The following SEMA5A variants were observed in gnomAD, a reference collection of about 807,000 sequenced individuals.
SEMA5A encodes the protein semaphorin-5A.
SEMA5A carries 55 observed loss-of-function variants against 135.5 expected under a neutral mutation model. That is an observed-to-expected ratio of 0.41 (90% confidence interval 0.33 to 0.51). SEMA5A has a LOEUF of 0.51. SEMA5A is among the 20% of genes least tolerant of loss of function. The probability of loss-of-function intolerance (pLI) is 0.37; values close to 1 mark genes in which losing one functional copy is unlikely to be tolerated. For synonymous variants in SEMA5A, 580 were observed against 546.5 expected, an observed-to-expected ratio of 1.06 and a Z score of -0.85; for missense variants, 1,290 against 1,419.9, an observed-to-expected ratio of 0.91 and a Z score of 1.47.
chr5:9,520,751 A>T (rs1465882352), intron 1 of SEMA5A, among the ~76,000 whole-genome samples: 2 of 152,232 alleles, frequency 1.3e-5, no homozygotes, highest in African/African-American at 4.8e-5. Flanking sequence ...AACCTCAGAC[A>T]CAGCCAAACT....
chr5:9,270,381 G>A (rs1465331762), intron 5 of SEMA5A, among the ~76,000 whole-genome samples: 4 of 151,894 alleles, frequency 2.6e-5, no homozygotes, highest in African/African-American at 4.8e-5. Flanking sequence ...CTTGAGTCCC[G>A]GAGAATTATT....
chr5:9,043,127 T>C (rs1011299760), intron 22 of SEMA5A, 111 bp from the exon 23 acceptor site: 20 of 923,500 alleles, frequency 2.2e-5, no homozygotes, highest in Non-Finnish European at 3.0e-5. Context: ...TAAGACTCCA[T>C]ATTTTAAAAT....
intron 2 of SEMA5A, among the ~76,000 whole-genome samples, chr5:9,384,030 A>G (rs773845187): frequency 1.3e-5 from 2 of 152,188 alleles, no homozygotes; most frequent in Non-Finnish European, 2.9e-5. Context: ...TAATGAGAAC[A>G]GGTAATTTTT....
rs534085568 is a variant in SEMA5A, at chr5:9,041,135, CTG to C, written c.*1760_*1761del. 2 of 152,332 alleles carry C rather than the reference CTG, an allele frequency of 1.3e-5. No individual in the cohort carries two copies. The highest frequency in any genetic ancestry group is 4.1e-4 in the South Asian group (2 of 4,826). 9.4% of individuals were successfully genotyped at this position (152,332 alleles called of 1,614,324 possible). On this transcript the variant is annotated 3_prime_UTR_variant, in exon 23 of 23. Transcript: ENST00000382496. ...ACAGAGCCCACCTGCCATTTCAATA[CTG>C]TGTCATCTCTGTAAATCTGGGTATA... is the stretch of plus-strand genomic sequence containing the variant.
chr5:9,366,581 G>A lies in SEMA5A; in HGVS notation c.124+13242C>T, dbSNP rs181578761. Among the ~76,000 whole-genome samples the A allele has an allele frequency of 4.3e-3, 655 of 152,146 alleles. 9 individuals are homozygous for A. Among genetic ancestry groups the A allele is most frequent in the African/African-American group, 0.015 (636 of 41,526 alleles). The stretch of plus-strand genomic sequence containing the variant: ...GTTTTTGTATTTTTAGTAAAGACGG[G>A]GTTTCACCGTGTTAGCTAGGACGGT... On this transcript the variant is annotated intron_variant, in intron 3 of 22. Coordinates refer to ENST00000382496, the MANE Select transcript of SEMA5A (RefSeq NM_003966.3).
At chr5:9,289,614 G>T (rs534578797) in intron 5 of SEMA5A, among the ~76,000 whole-genome samples, 1 of 151,480 alleles carries the variant, frequency 6.6e-6, no homozygotes, top group Admixed American at 6.6e-5. Context: ...ACAGTGAGAC[G>T]AGATTGCGCC....
chr5:9,102,437 T>C (rs963196845), intron 16 of SEMA5A, among the ~76,000 whole-genome samples: 1 of 152,178 alleles, frequency 6.6e-6, no homozygotes, highest in Non-Finnish European at 1.5e-5. Context: ...GCTCACCTGA[T>C]ACCAGCCAAA....
chr5:9,129,669 T>G (rs1351869528), intron 13 of SEMA5A, among the ~76,000 whole-genome samples: 2 of 152,222 alleles, frequency 1.3e-5, no homozygotes, highest in African/African-American at 4.8e-5. Context: ...TCTTCCAGAT[T>G]TCTGCAATGA....
chr5:9,524,129 G>C (rs891619955), intron 1 of SEMA5A, among the ~76,000 whole-genome samples: 10 of 152,150 alleles, frequency 6.6e-5, no homozygotes, highest in South Asian at 4.1e-4. Flanking sequence ...TTGTTGAAAA[G>C]TATAGTTCTT....
chr5:9,062,218 C>T (rs58183611), intron 18 of SEMA5A, among the ~76,000 whole-genome samples: 1,917 of 152,042 alleles, frequency 0.013, 53 homozygotes, highest in African/African-American at 0.044. Context: ...GTGGGGGGCC[C>T]CTGCAGACAA....
At chr5:9,189,140 A>G (rs1744957862) in intron 11 of SEMA5A, among the ~76,000 whole-genome samples, 1 of 152,226 alleles carries the variant, frequency 6.6e-6, no homozygotes, top group South Asian at 2.1e-4. Context: ...GCTTAGCTTC[A>G]TCATCACCTC....
intron 6 of SEMA5A, among the ~76,000 whole-genome samples, chr5:9,236,749 T>C (rs1485865929): frequency 6.6e-6 from 1 of 152,176 alleles, no homozygotes; most frequent in East Asian, 1.9e-4. Flanking sequence ...ATTTCCCCCT[T>C]GTCTCCAAGT....
intron 2 of SEMA5A, among the ~76,000 whole-genome samples, chr5:9,426,320 C>T (rs1310705219): frequency 6.6e-6 from 1 of 151,536 alleles, no homozygotes; most frequent in Non-Finnish European, 1.5e-5. Context: ...AGCTACCCGG[C>T]AGGCTGAGGC....
rs957310877 is a variant in SEMA5A, at chr5:9,088,169, T to C, written c.2073+19971A>G. 2.6e-5 allele frequency among the ~76,000 whole-genome samples: 4 copies of C among 152,068 alleles called. No homozygotes were observed. The South Asian group carries it at 6.2e-4, about 24-fold the overall frequency. On this transcript the variant is annotated intron_variant, in intron 16 of 22. Coordinates refer to ENST00000382496, the MANE Select transcript of SEMA5A (RefSeq NM_003966.3). The stretch of plus-strand genomic sequence containing the variant: ...TAAAAATGCAAAAATTAGCTGGGCA[T>C]GGTGGCATGTGCCTGTAGTCCCAGC...
chr5:9,413,251 T>C (rs1272093566), intron 2 of SEMA5A, among the ~76,000 whole-genome samples: 2 of 152,098 alleles, frequency 1.3e-5, no homozygotes, highest in Non-Finnish European at 2.9e-5. Context: ...AGAATGGGCG[T>C]TACTTAAACA....
intron 16 of SEMA5A, among the ~76,000 whole-genome samples, chr5:9,080,812 T>A (rs192813240): frequency 6.6e-6 from 1 of 152,272 alleles, no homozygotes; most frequent in Non-Finnish European, 1.5e-5. Flanking sequence ...GCAGCTCTGA[T>A]CTGAGGGGCC....
intron 19 of SEMA5A, 112 bp from the exon 20 acceptor site, chr5:9,052,140 ATT>A: frequency 1.7e-6 from 2 of 1,167,954 alleles, no homozygotes; most frequent in Non-Finnish European, 2.3e-6. Context: ...TCCATAGCAT[ATT>A]TTTAATGGTT....
Position 9,204,480 on chromosome 5 carries a change from G to A in SEMA5A, c.647-2240C>T, listed in dbSNP as rs979765819. ...GAAAGATCTTTTATGGTTTCCAGCT[G>A]AAGGATGAGTTTATAATAAAAACAG... is the stretch of plus-strand genomic sequence containing the variant. On this transcript the variant is annotated intron_variant, in intron 8 of 22. Coordinates refer to ENST00000382496, the MANE Select transcript of SEMA5A (RefSeq NM_003966.3). This position sits in a 1 kb window ranked among gnomAD's most constrained non-coding sequence, Gnocchi z 6.4. 1.3e-5 allele frequency among the ~76,000 whole-genome samples: 2 copies of A among 152,248 alleles called. No homozygotes were observed. The highest frequency in any genetic ancestry group is 1.3e-4 in the Admixed American group (2 of 15,292).
rs1030920073 is a variant in SEMA5A, at chr5:9,035,852, A to G, written c.*7045T>C. Reference sequence around the variant, plus strand: ...AAATGTAAAGCTATCTCATTGTTTTAAAAAGCTAAATTATAATTAAGATAC... The same window carrying G: ...AAATGTAAAGCTATCTCATTGTTTTGAAAAGCTAAATTATAATTAAGATAC... On this transcript the variant is annotated 3_prime_UTR_variant, in exon 23 of 23. Coordinates refer to ENST00000382496, the MANE Select transcript of SEMA5A (RefSeq NM_003966.3). The G allele has an allele frequency of 1.3e-5, 2 of 152,010 alleles. No homozygotes were observed. Among genetic ancestry groups the G allele is most frequent in the African/African-American group, 4.8e-5 (2 of 41,382 alleles). 9.4% of individuals were successfully genotyped at this position (152,010 alleles called of 1,614,324 possible).
Sources: gnomAD v4.1 joint callset for allele counts (sites outside exome capture counted in the v4.1 genomes callset) on GRCh38, gnomAD v4.1.1 for gene constraint, Gnocchi (gnomAD v3.1) non-coding constraint, MANE v1.5 for transcripts, NCBI Gene and HGNC (gene_info 2026-07-23, HGNC 2026-07-21) for gene names.